WDR72: variants seen among roughly 807,000 people sequenced by gnomAD.
The protein encoded by WDR72 is WD repeat domain 72.
A neutral mutation model predicts 124.2 loss-of-function variants in WDR72; 120 were observed. The ratio of observed to expected loss-of-function variants is 0.97; its 90% CI spans 0.83 to 1.12. WDR72 has a LOEUF of 1.12. WDR72 is among the 50% of genes most tolerant of loss of function. The probability of loss-of-function intolerance (pLI) is 0.00; values close to 1 mark genes in which losing one functional copy is unlikely to be tolerated. For synonymous variants in WDR72, 452 were observed against 441.7 expected (o/e 1.02, Z -0.29); for missense variants, 1,387 against 1,278.8 (o/e 1.08, Z -1.29).
intron 13 of WDR72, among the ~76,000 whole-genome samples, chr15:53,677,448 T>C (rs2140472625): frequency 6.6e-6 from 1 of 152,320 alleles, no homozygotes; most frequent in East Asian, 1.9e-4. Context: ...GAAGCTGATA[T>C]GATTTGGCTC....
chr15:53,683,048 C>A (rs1381341087), intron 13 of WDR72, among the ~76,000 whole-genome samples: 1 of 152,138 alleles, frequency 6.6e-6, no homozygotes, highest in East Asian at 1.9e-4. Context: ...AAAGGAGCAA[C>A]TTCCAAATAC....
At chr15:53,712,651 T>C (rs1409397767) in intron 7 of WDR72, 121 bp downstream of exon 7, 3 of 1,036,830 alleles carry the variant, frequency 2.9e-6, no homozygotes, top group Admixed American at 2.5e-5. Flanking sequence ...CATCATTCCA[T>C]GTTCTGGTAA....
chr15:53,530,200 TAC>T (rs1892373731), intron 18 of WDR72, among the ~76,000 whole-genome samples: 2 of 150,908 alleles, frequency 1.3e-5, no homozygotes, highest in African/African-American at 4.9e-5. Context: ...TAAGAAACAT[TAC>T]TTCTTATTTT....
chr15:53,686,448 T>C (rs929354927), intron 13 of WDR72, among the ~76,000 whole-genome samples: 1 of 148,982 alleles, frequency 6.7e-6, no homozygotes, highest in Non-Finnish European at 1.5e-5. Flanking sequence ...CCAACAAAGA[T>C]CAAAAGAGAC....
rs1401183037 is a variant in WDR72, at chr15:53,733,077, T to C, written c.73A>G (p.Ile25Val). ...APPHSITAIMITDDQRTIVTG... is the reference protein window; with the variant it reads ...APPHSITAIMVTDDQRTIVTG... ...ACAATCGTTCGCTGGTCATCAGTGATCATGATGGCAGTGATGCTGTGGGGA... is the reference window on the plus strand; with the variant it reads ...ACAATCGTTCGCTGGTCATCAGTGACCATGATGGCAGTGATGCTGTGGGGA... The change falls in exon 2 of 20, where the codon ATC (isoleucine) becomes GTC (valine). Residue 25 changes from isoleucine to valine, a missense_variant. Coordinates refer to ENST00000360509, the MANE Select transcript of WDR72 (RefSeq NM_182758.4). The C allele has an allele frequency of 1.2e-6, 2 of 1,614,028 alleles. No individual in the cohort carries two copies. The highest frequency in any genetic ancestry group is 1.7e-6 in the Non-Finnish European group (2 of 1,179,924).
Position 53,702,201 on chromosome 15 carries a change from A to C in WDR72, c.1502T>G (p.Ile501Ser). The C allele has an allele frequency of 6.2e-7, 1 of 1,614,074 alleles. No individual in the cohort carries two copies. The highest frequency in any genetic ancestry group is 1.1e-5 in the South Asian group (1 of 91,072). Residue 501 changes from isoleucine (I) to serine (S), a missense_variant, in exon 12 of 20, where the codon ATT (isoleucine) becomes AGT (serine). Transcript: ENST00000360509. ...AGCTTCCAAAAAGAATTTATGCAAAATTTCTTCAGTAAAGATATCCCACAA... is the reference window on the plus strand; with the variant it reads ...AGCTTCCAAAAAGAATTTATGCAAACTTTCTTCAGTAAAGATATCCCACAA... ...VILWDIFTEE[I>S]LHKFFLEAGP... is the part of the protein sequence containing the mutation.
chr15:53,666,135 G>A (rs2015773375), intron 13 of WDR72, among the ~76,000 whole-genome samples: 1 of 152,166 alleles, frequency 6.6e-6, no homozygotes, highest in African/African-American at 2.4e-5. Flanking sequence ...ACAAGCAACA[G>A]AGAACCCACA....
At chr15:53,609,843 T>TACACAC (rs72440914) in intron 16 of WDR72, among the ~76,000 whole-genome samples, 2,202 of 150,096 alleles carry the variant, frequency 0.015, 43 homozygotes, top group African/African-American at 0.049. Flanking sequence ...TGTACATTTA[T>TACACAC]ACACACACAC....
At position 53,733,724 on chromosome 15, in the gene WDR72, A is replaced by T. The variant is rs189268965; in HGVS notation, c.-12-563T>A. Among the ~76,000 whole-genome samples, 788 of 152,218 alleles carry T rather than the reference A, an allele frequency of 5.2e-3. 9 individuals carry two copies. Among genetic ancestry groups the T allele is most frequent in the African/African-American group, 0.018 (755 of 41,550 alleles). On this transcript the variant is annotated intron_variant, in intron 1 of 19. Transcript: ENST00000360509. ...AATAATTTTTATTTTACCTATTTTT[A>T]TGTTTGGTATCTTCCTAAACAATAA...
chr15:53,561,307 G>GA (rs1417481482), intron 18 of WDR72, among the ~76,000 whole-genome samples: 3 of 151,462 alleles, frequency 2.0e-5, no homozygotes, highest in South Asian at 4.2e-4. Flanking sequence ...ACTTCCTGAG[G>GA]AAAAAAGCAA....
At chr15:53,663,086 C>T (rs2015660559) in intron 14 of WDR72, among the ~76,000 whole-genome samples, 1 of 127,278 alleles carries the variant, frequency 7.9e-6, no homozygotes. Flanking sequence ...AAGACCCTGC[C>T]TCTAAAAATA....
intron 18 of WDR72, among the ~76,000 whole-genome samples, chr15:53,540,337 C>T (rs369125502): frequency 1.3e-5 from 2 of 152,124 alleles, no homozygotes; most frequent in South Asian, 2.1e-4. Flanking sequence ...TTTACCAAAA[C>T]TGGCCACATC....
chr15:53,654,879 A>G (rs576896366), intron 14 of WDR72, among the ~76,000 whole-genome samples: 2 of 152,324 alleles, frequency 1.3e-5, no homozygotes, highest in South Asian at 2.1e-4. Flanking sequence ...ATGCCTCAAG[A>G]TATTTTAAGC....
At chr15:53,593,456 G>A (rs1321727066) in intron 18 of WDR72, among the ~76,000 whole-genome samples, 4 of 151,970 alleles carry the variant, frequency 2.6e-5, no homozygotes, top group Admixed American at 6.6e-5. Flanking sequence ...TTTGAAAACG[G>A]GGTAGTATAG....
rs1335256154 is a variant in WDR72, at chr15:53,716,624, T to C, written c.322A>G (p.Arg108Gly). Reference sequence around the variant, plus strand: ...GTACTTACACAGATTGCAGTGTGCCTGTAAGGAAGTGTAGCCTTCTCCATG... The same window carrying C: ...GTACTTACACAGATTGCAGTGTGCCCGTAAGGAAGTGTAGCCTTCTCCATG... The part of the protein sequence containing the change: ...QCMEKATLPY[R>G]HTAICYYHCS... The change falls in exon 4 of 20, where the codon AGG becomes GGG. Residue 108 changes from arginine (R) to glycine (G), a missense_variant. Coordinates refer to ENST00000360509, the MANE Select transcript of WDR72 (RefSeq NM_182758.4). 3 of 1,608,284 alleles carry C rather than the reference T, an allele frequency of 1.9e-6. No individual in the cohort carries two copies. The highest frequency in any genetic ancestry group is 2.2e-5 in the South Asian group (2 of 90,970).
At chr15:53,530,933 T>G (rs2140232171) in intron 18 of WDR72, among the ~76,000 whole-genome samples, 1 of 152,126 alleles carries the variant, frequency 6.6e-6, no homozygotes, top group Middle Eastern at 3.4e-3. Context: ...GTGGGGAGAA[T>G]AGTTGGCAGG....
chr15:53,668,292 G>T (rs774024353), intron 13 of WDR72, among the ~76,000 whole-genome samples: 1 of 152,162 alleles, frequency 6.6e-6, no homozygotes, highest in Non-Finnish European at 1.5e-5. Flanking sequence ...ATGACATAAG[G>T]AGTGGTTAGA....
chr15:53,685,613 T>A (rs1443891534), intron 13 of WDR72, among the ~76,000 whole-genome samples: 1 of 148,954 alleles, frequency 6.7e-6, no homozygotes, highest in African/African-American at 2.5e-5. Flanking sequence ...ATGGGGAGAA[T>A]GGAACCAAGT....
At chr15:53,567,839 C>T (rs4776158) in intron 18 of WDR72, among the ~76,000 whole-genome samples, 151,737 of 151,886 alleles carry the variant, frequency 1, 75,794 homozygotes, top group Middle Eastern at 1. Flanking sequence ...AATTTAAAAA[C>T]AGTTTTAATT....
Sources: gnomAD v4.1 joint callset for allele counts (sites outside exome capture counted in the v4.1 genomes callset) on GRCh38, gnomAD v4.1.1 for gene constraint, MANE v1.5 for transcripts, NCBI Gene and HGNC (gene_info 2026-07-23, HGNC 2026-07-21) for gene names.